The following KDM4C variants were observed in gnomAD, a reference collection of about 807,000 sequenced individuals.
KDM4C encodes the protein lysine-specific demethylase 4C.
Under a neutral mutation model 129.3 loss-of-function variants are expected in KDM4C, and 81 were observed. That is an observed-to-expected ratio of 0.63 (90% confidence interval 0.52 to 0.75). The LOEUF is 0.75. Ranked by LOEUF, KDM4C falls within the 30% of genes least tolerant of loss-of-function variation. The pLI, the probability that KDM4C is intolerant of heterozygous loss-of-function variation, is 0.00. For missense variants in KDM4C, 1,457 were observed against 1,304.0 expected, an observed-to-expected ratio of 1.12 and a Z score of -1.81; for synonymous variants, 573 against 456.1, an observed-to-expected ratio of 1.26 and a Z score of -3.26.
At chr9:6,772,072 C>G (rs373317454) in intron 1 of KDM4C, among the ~76,000 whole-genome samples, 1 of 152,198 alleles carries the variant, frequency 6.6e-6, no homozygotes, top group African/African-American at 2.4e-5. Flanking sequence ...CTCCCTTTAT[C>G]AATCCAGTTA....
intron 1 of KDM4C, among the ~76,000 whole-genome samples, chr9:6,739,851 CA>C (rs1215879365): frequency 6.6e-6 from 1 of 151,984 alleles, no homozygotes; most frequent in African/African-American, 2.4e-5. Context: ...GAATAAATAG[CA>C]AAGTAAAAGC....
At chr9:6,911,753 A>T (rs757407434) in intron 8 of KDM4C, among the ~76,000 whole-genome samples, 10 of 152,216 alleles carry the variant, frequency 6.6e-5, no homozygotes, top group Non-Finnish European at 1.3e-4. Context: ...ATTGCAAAGG[A>T]CATGTTTGTG....
At chr9:7,078,475 T>C (rs1834170458) in intron 17 of KDM4C, among the ~76,000 whole-genome samples, 1 of 152,074 alleles carries the variant, frequency 6.6e-6, no homozygotes, top group South Asian at 2.1e-4. Flanking sequence ...TTTTTCTTAT[T>C]AATGTTCACA....
chr9:6,796,659 G>A (rs1827814025), intron 2 of KDM4C, among the ~76,000 whole-genome samples: 1 of 152,166 alleles, frequency 6.6e-6, no homozygotes, highest in South Asian at 2.1e-4. Flanking sequence ...AAACACACCT[G>A]AGTCCAGACC....
At chr9:7,141,792 A>G (rs1466966753) in intron 19 of KDM4C, among the ~76,000 whole-genome samples, 2 of 151,298 alleles carry the variant, frequency 1.3e-5, no homozygotes, top group Non-Finnish European at 2.9e-5. Flanking sequence ...TTTTGTTGTT[A>G]TTAGGTTTTT....
chr9:6,752,546 G>C (rs915869631), intron 1 of KDM4C, among the ~76,000 whole-genome samples: 1 of 150,794 alleles, frequency 6.6e-6, no homozygotes, highest in Middle Eastern at 3.2e-3. Flanking sequence ...GAGTAGCTGG[G>C]TTTACAGGCA....
At chr9:6,760,479 G>A (rs966756340) in intron 1 of KDM4C, among the ~76,000 whole-genome samples, 8 of 140,084 alleles carry the variant, frequency 5.7e-5, no homozygotes, top group Non-Finnish European at 1.2e-4. Context: ...TAATTGCTAG[G>A]TTAAACATCT....
intron 1 of KDM4C, among the ~76,000 whole-genome samples, chr9:6,779,338 A>G (rs1276888455): frequency 7.0e-6 from 1 of 143,666 alleles, no homozygotes. Context: ...TTAATATGAA[A>G]AGACTTAGAT....
At chr9:7,105,460 C>G (rs1182021181) in intron 18 of KDM4C, 6 of 470,826 alleles carry the variant, frequency 1.3e-5, no homozygotes, top group Non-Finnish European at 2.2e-5. Flanking sequence ...ACTACTTCTG[C>G]TGCTGCTGCT....
intron 17 of KDM4C, among the ~76,000 whole-genome samples, chr9:7,088,531 C>A (rs1176577969): frequency 6.6e-6 from 1 of 152,166 alleles, no homozygotes; most frequent in Non-Finnish European, 1.5e-5. Context: ...TGATTTGTAG[C>A]CAGCTTTCTG....
intron 8 of KDM4C, among the ~76,000 whole-genome samples, chr9:6,934,597 A>G (rs12376208): frequency 0.57 from 86,190 of 151,012 alleles, 25,106 homozygotes; most frequent in Middle Eastern, 0.64. Context: ...CTGAGTAGCT[A>G]GGACTACAGG....
chr9:6,999,248 T>C (rs1350725046), intron 12 of KDM4C, among the ~76,000 whole-genome samples: 1 of 152,274 alleles, frequency 6.6e-6, no homozygotes, highest in African/African-American at 2.4e-5. Flanking sequence ...TTTGCCAGTC[T>C]TAATTTTGTG....
At chr9:6,773,189 A>G (rs150462711) in intron 1 of KDM4C, among the ~76,000 whole-genome samples, 69 of 151,590 alleles carry the variant, frequency 4.6e-4, no homozygotes, top group African/African-American at 1.6e-3. Context: ...ATTTGGAGAG[A>G]CAGGGTCTCC....
At chr9:7,167,186 C>T (rs574582280) in intron 20 of KDM4C, among the ~76,000 whole-genome samples, 18 of 152,174 alleles carry the variant, frequency 1.2e-4, no homozygotes, top group Admixed American at 3.9e-4. Context: ...ATAATTTGTC[C>T]GAGAGCACGC....
chr9:7,156,471 G>A (rs1004956731), intron 19 of KDM4C, among the ~76,000 whole-genome samples: 12 of 152,152 alleles, frequency 7.9e-5, no homozygotes, highest in African/African-American at 2.7e-4. Context: ...TTCTTCTAGG[G>A]TTTTTATGGT....
chr9:6,796,515 A>T (rs1588322421), intron 2 of KDM4C, among the ~76,000 whole-genome samples: 1 of 152,154 alleles, frequency 6.6e-6, no homozygotes, highest in Admixed American at 6.5e-5. Context: ...CTTGTGAGGT[A>T]GGGTGGCACG....
chr9:7,038,916 A>G (rs993022893), intron 15 of KDM4C, among the ~76,000 whole-genome samples: 1 of 151,840 alleles, frequency 6.6e-6, no homozygotes, highest in Admixed American at 6.6e-5. Context: ...CTTTTTACAT[A>G]TTTTTTGTAA....
chr9:6,907,044 T>C (rs1323877413), intron 8 of KDM4C, among the ~76,000 whole-genome samples: 1 of 152,228 alleles, frequency 6.6e-6, no homozygotes, highest in Non-Finnish European at 1.5e-5. Context: ...CCAATTTTAC[T>C]ATTGTGAAAA....
rs1433716031 is a variant in KDM4C at position 6,819,097 on chromosome 9, A to ATGTTCCCT, written c.435+4353_435+4354insGTTCCCTT. 5 of 152,330 alleles carry ATGTTCCCT rather than the reference A, an allele frequency of 3.3e-5. No homozygotes were observed. The East Asian group carries it at 5.8e-4, about 18-fold the overall frequency. 9.4% of individuals were successfully genotyped at this position (152,330 alleles called of 1,614,324 possible). ...AATCTTAAGTTTTTTTTCTTTTAAG[A>ATGTTCCCT]TAATTAACCTTTTTGTTCCCTTATT... is the stretch of plus-strand genomic sequence containing the variant. On this transcript the variant is annotated intron_variant, in intron 4 of 21. Coordinates refer to ENST00000381309, the MANE Select transcript of KDM4C (RefSeq NM_015061.6).
Sources: allele counts gnomAD v4.1 joint callset (sites outside exome capture counted in the v4.1 genomes callset), GRCh38; gene constraint gnomAD v4.1.1; transcripts MANE v1.5; gene names NCBI Gene and HGNC (gene_info 2026-07-23, HGNC 2026-07-21).